The following PITPNC1 variants were observed in gnomAD, a reference collection of about 807,000 sequenced individuals.
PITPNC1 encodes the protein phosphatidylinositol transfer protein cytoplasmic 1.
PITPNC1 carries 18 observed loss-of-function variants against 44.7 expected under a neutral mutation model. The observed-to-expected ratio is 0.40, with a 90% CI of 0.28 to 0.60. PITPNC1 has a LOEUF of 0.60. PITPNC1 is among the 20% of genes least tolerant of loss of function. The pLI is 0.39. For missense variants in PITPNC1, 290 were observed against 418.4 expected (o/e 0.69, Z 2.68); for synonymous variants, 141 against 149.6 (o/e 0.94, Z 0.42).
chr17:67,634,221 G>T (rs887464311), intron 6 of PITPNC1, among the ~76,000 whole-genome samples: 2 of 152,156 alleles, frequency 1.3e-5, no homozygotes, highest in African/African-American at 4.8e-5. Flanking sequence ...GTGGTAAAGA[G>T]TCCAGTAATT....
chr17:67,585,134 A>G (rs2041296120), intron 5 of PITPNC1, among the ~76,000 whole-genome samples: 2 of 150,930 alleles, frequency 1.3e-5, no homozygotes, highest in Non-Finnish European at 3.0e-5. Context: ...AAAAAAAAAA[A>G]AACCAGACAA....
At chr17:67,388,214 T>C (rs1223233587) in intron 1 of PITPNC1, among the ~76,000 whole-genome samples, 1 of 152,332 alleles carries the variant, frequency 6.6e-6, no homozygotes, top group Middle Eastern at 3.4e-3. Flanking sequence ...TTCTTAGTGA[T>C]ACCCCTGAGA....
intron 6 of PITPNC1, among the ~76,000 whole-genome samples, chr17:67,641,952 G>A (rs1183598657): frequency 3.9e-5 from 6 of 152,092 alleles, no homozygotes; most frequent in Non-Finnish European, 7.3e-5. Flanking sequence ...TAACGTCTCT[G>A]TAGAATAAAT....
chr17:67,645,898 G>T (rs1015419144), intron 6 of PITPNC1, among the ~76,000 whole-genome samples: 3 of 152,224 alleles, frequency 2.0e-5, no homozygotes, highest in African/African-American at 7.2e-5. Context: ...GCCAAGGCGG[G>T]TGGATCACTT....
At chr17:67,465,389 G>A (rs1405605315) in intron 1 of PITPNC1, among the ~76,000 whole-genome samples, 1 of 152,170 alleles carries the variant, frequency 6.6e-6, no homozygotes, top group African/African-American at 2.4e-5. Context: ...AGTCTGTGCC[G>A]TGATGGTAGC....
At chr17:67,489,739 C>A (rs1173250653) in intron 1 of PITPNC1, among the ~76,000 whole-genome samples, 1 of 152,028 alleles carries the variant, frequency 6.6e-6, no homozygotes, top group African/African-American at 2.4e-5. Flanking sequence ...TTGGTTATTT[C>A]TTTTTTCTTT....
intron 1 of PITPNC1, among the ~76,000 whole-genome samples, chr17:67,465,115 A>G (rs2039405266): frequency 6.6e-6 from 1 of 152,230 alleles, no homozygotes; most frequent in African/African-American, 2.4e-5. Flanking sequence ...TAGATCACAG[A>G]GGTGTGTGTT....
intron 5 of PITPNC1, among the ~76,000 whole-genome samples, chr17:67,589,218 T>TA (rs1488487383): frequency 6.6e-6 from 1 of 152,186 alleles, no homozygotes; most frequent in Non-Finnish European, 1.5e-5. Context: ...GAGCTGCATG[T>TA]AAAAAACACA....
At chr17:67,451,251 C>T (rs1391605250) in intron 1 of PITPNC1, among the ~76,000 whole-genome samples, 3 of 152,028 alleles carry the variant, frequency 2.0e-5, no homozygotes, top group Non-Finnish European at 4.4e-5. Context: ...AGGCTGGTCT[C>T]GATCTCCTGA....
intron 5 of PITPNC1, among the ~76,000 whole-genome samples, chr17:67,593,040 G>GA (rs1038440002): frequency 6.6e-6 from 1 of 151,544 alleles, no homozygotes; most frequent in Non-Finnish European, 1.5e-5. Flanking sequence ...CCTGTCTCAA[G>GA]AAAAAAAGAA....
intron 1 of PITPNC1, among the ~76,000 whole-genome samples, chr17:67,470,097 AT>A: frequency 6.6e-6 from 1 of 152,040 alleles, no homozygotes; most frequent in Admixed American, 6.6e-5. Context: ...TAATTTATGT[AT>A]TTTTAGTAGA....
chr17:67,398,739 C>T (rs1379972679), intron 1 of PITPNC1, among the ~76,000 whole-genome samples: 2 of 151,984 alleles, frequency 1.3e-5, no homozygotes, highest in Non-Finnish European at 2.9e-5. Context: ...CTTCTCAATC[C>T]AACCACTGAG....
At chr17:67,431,397 C>T (rs1233373681) in intron 1 of PITPNC1, among the ~76,000 whole-genome samples, 4 of 152,082 alleles carry the variant, frequency 2.6e-5, no homozygotes, top group East Asian at 1.9e-4. Flanking sequence ...CCTCTTTCTG[C>T]GTTTTCTCCA....
chr17:67,554,083 G>A (rs755630773), intron 4 of PITPNC1, among the ~76,000 whole-genome samples: 4 of 152,140 alleles, frequency 2.6e-5, no homozygotes, highest in East Asian at 1.9e-4. Flanking sequence ...TTGGGCAGTC[G>A]CTGTGGCTTG....
At chr17:67,384,428 C>CTT (rs60147017) in intron 1 of PITPNC1, among the ~76,000 whole-genome samples, 40,224 of 142,664 alleles carry the variant, frequency 0.28, 6,887 homozygotes, top group Non-Finnish European at 0.39. Context: ...TCCTTGTTCT[C>CTT]TTTTTTTTTT....
At chr17:67,587,910 A>C (rs576859918) in intron 5 of PITPNC1, among the ~76,000 whole-genome samples, 1 of 152,292 alleles carries the variant, frequency 6.6e-6, no homozygotes, top group South Asian at 2.1e-4. Flanking sequence ...CTTCCCCTGG[A>C]AGTTACCAGC....
At chr17:67,474,573 T>A (rs923677572) in intron 1 of PITPNC1, among the ~76,000 whole-genome samples, 4 of 152,168 alleles carry the variant, frequency 2.6e-5, no homozygotes, top group African/African-American at 9.7e-5. Context: ...GTGTCAAATG[T>A]GCCCTGGGGA....
At chr17:67,485,089 A>T (rs1310590934) in intron 1 of PITPNC1, among the ~76,000 whole-genome samples, 1 of 152,190 alleles carries the variant, frequency 6.6e-6, no homozygotes, top group Non-Finnish European at 1.5e-5. Flanking sequence ...GAGGTTGGTA[A>T]GGAGTGGTAG....
At chr17:67,458,615 T>C (rs950815671) in intron 1 of PITPNC1, among the ~76,000 whole-genome samples, 1 of 152,198 alleles carries the variant, frequency 6.6e-6, no homozygotes, top group African/African-American at 2.4e-5. Context: ...CACACTTACA[T>C]TGTACTCCCT....
Sources: gnomAD v4.1 joint callset for allele counts (sites outside exome capture counted in the v4.1 genomes callset) on GRCh38, gnomAD v4.1.1 for gene constraint, MANE v1.5 for transcripts, NCBI Gene and HGNC (gene_info 2026-07-23, HGNC 2026-07-21) for gene names.